DEFB1: variants seen among roughly 807,000 people sequenced by gnomAD.
The protein encoded by DEFB1 is defensin beta 1.
DEFB1 carries 4 observed loss-of-function variants against 2.6 expected under a neutral mutation model. That is an observed-to-expected ratio of 1.53 (90% CI 0.76 to 3.51). DEFB1 has a LOEUF of 3.51. DEFB1 is among the 30% of genes most tolerant of loss of function. The pLI is 0.01. For synonymous variants in DEFB1, 56 were observed against 28.5 expected, an observed-to-expected ratio of 1.96 and a Z score of -3.07; for missense variants, 162 against 76.9, an observed-to-expected ratio of 2.11 and a Z score of -4.14.
chr8:6,871,913 G>C (rs1225144001), intron 1 of DEFB1, among the ~76,000 whole-genome samples: 1 of 152,150 alleles, frequency 6.6e-6, no homozygotes, highest in African/African-American at 2.4e-5. Flanking sequence ...AAATCTGGTA[G>C]CCTGAGCGGA....
chr8:6,874,796 A>G (rs1806458357), intron 1 of DEFB1, among the ~76,000 whole-genome samples: 1 of 152,180 alleles, frequency 6.6e-6, no homozygotes, highest in African/African-American at 2.4e-5. Flanking sequence ...AGCCTGGCCA[A>G]CATGGTGAAA....
At chr8:6,875,307 A>T (rs1049084707) in intron 1 of DEFB1, among the ~76,000 whole-genome samples, 1 of 152,190 alleles carries the variant, frequency 6.6e-6, no homozygotes, top group Non-Finnish European at 1.5e-5. Flanking sequence ...CTTTTCTAGG[A>T]AAGTTTCCAT....
chr8:6,876,202 C>T (rs1287709884), intron 1 of DEFB1, among the ~76,000 whole-genome samples: 1 of 152,010 alleles, frequency 6.6e-6, no homozygotes. Flanking sequence ...ATGGGCTGGG[C>T]GTGGTGGCTC....
chr8:6,877,467 GC>G lies in DEFB1; in HGVS notation c.61+329del, dbSNP rs1806574475. Among the ~76,000 whole-genome samples, 6 of 152,228 alleles carry G rather than the reference GC, an allele frequency of 3.9e-5. No individual in the cohort carries two copies. The South Asian group carries it at 1.2e-3, about 31-fold the overall frequency. On this transcript the variant is annotated intron_variant, in intron 1 of 1. Transcript: ENST00000297439. ...GCCCCTCTCTCTGCATAGGAAGCTG[GC>G]CTCTCAGTGTGAGGAGTCGTCTTGC...
At chr8:6,875,959 G>T (rs773714028) in intron 1 of DEFB1, among the ~76,000 whole-genome samples, 1 of 152,094 alleles carries the variant, frequency 6.6e-6, no homozygotes, top group Non-Finnish European at 1.5e-5. Context: ...CTCGAGAATA[G>T]CTTCTCATAA....
intron 1 of DEFB1, among the ~76,000 whole-genome samples, chr8:6,874,638 G>A (rs1563397314): frequency 1.3e-5 from 2 of 152,178 alleles, no homozygotes; most frequent in Non-Finnish European, 2.9e-5. Flanking sequence ...GAGAATTGAT[G>A]TAGAATAGTA....
intron 1 of DEFB1, among the ~76,000 whole-genome samples, chr8:6,877,345 C>T (rs780629415): frequency 3.3e-5 from 5 of 152,198 alleles, no homozygotes; most frequent in Non-Finnish European, 7.3e-5. Context: ...TCCAAGGCAC[C>T]GGCTGAGCTG....
chr8:6,873,526 A>G (rs903362716), intron 1 of DEFB1, among the ~76,000 whole-genome samples: 1 of 152,200 alleles, frequency 6.6e-6, no homozygotes, highest in Non-Finnish European at 1.5e-5. Context: ...ACGCAGCCAT[A>G]AAAAAGAATG....
rs1009207929 is a variant in DEFB1 at position 6,877,135 on chromosome 8, G to A, written c.61+662C>T. Among the ~76,000 whole-genome samples the A allele has an allele frequency of 1.2e-4, 19 of 152,284 alleles. 1 individual carries two copies. The highest frequency in any genetic ancestry group is 4.3e-4 in the African/African-American group (18 of 41,576). ...TGTGACTCGTGTGAACAAGGATAGG[G>A]CTGGGATAAAACATGTTCCCGATTC... On this transcript the variant is annotated intron_variant, in intron 1 of 1. Coordinates refer to ENST00000297439, the MANE Select transcript of DEFB1 (RefSeq NM_005218.4).
At chr8:6,877,040 A>G (rs1806558552) in intron 1 of DEFB1, among the ~76,000 whole-genome samples, 1 of 152,134 alleles carries the variant, frequency 6.6e-6, no homozygotes, top group Non-Finnish European at 1.5e-5. Context: ...TCTGAACTGG[A>G]GTGCTTGCTT....
intron 1 of DEFB1, among the ~76,000 whole-genome samples, chr8:6,877,578 T>C (rs773158085): frequency 1.3e-5 from 2 of 152,222 alleles, no homozygotes; most frequent in Non-Finnish European, 2.9e-5. Context: ...ACAAGCGCCA[T>C]GACCCTGCCA....
chr8:6,877,167 C>T (rs987922390), intron 1 of DEFB1, among the ~76,000 whole-genome samples: 1 of 152,226 alleles, frequency 6.6e-6, no homozygotes, highest in African/African-American at 2.4e-5. Context: ...ATTCCTCCTG[C>T]ACGTCCCACC....
chr8:6,871,497 C>T (rs541271393), intron 1 of DEFB1, among the ~76,000 whole-genome samples: 4 of 152,250 alleles, frequency 2.6e-5, no homozygotes, highest in African/African-American at 9.6e-5. Context: ...TGGCGAGGGA[C>T]CAGCAGGCCG....
rs1800957 is a variant in DEFB1 at position 6,870,807 on chromosome 8, G to A, written c.81C>T (p.Gly27=). Residue 27 remains glycine (G), a synonymous_variant, in exon 2 of 2, where the codon GGC becomes GGT. Transcript: ENST00000297439. ...TGTAATGATCAGATCTGTGGCCAAG[G>A]CCTGTGAGAAAGTTACCACCTGTAA... ...EMASGGNFLT[G]LGHRSDHYNC... is the part of the protein sequence containing the mutation. 4,512 of 1,613,454 alleles carry A rather than the reference G, an allele frequency of 2.8e-3. 94 individuals are homozygous for A. In the African/African-American group the frequency reaches 0.045, roughly 16 times the overall value.
In DEFB1 at chr8:6,877,778, T is replaced by G. The variant is rs2293958; in HGVS notation, c.61+19A>C. 6.2e-7 allele frequency: 1 copy of G among 1,610,770 alleles called. No homozygotes were observed. Among genetic ancestry groups the G allele is most frequent in the Non-Finnish European group, 8.5e-7 (1 of 1,177,358 alleles). ...CCCAGCCCTGGGGATGGGAAACTCT[T>G]GCAGGTACCAGAGCTTACCTGAGGC... On this transcript the variant is annotated intron_variant, in intron 1 of 1. Transcript: ENST00000297439.
chr8:6,877,889 G>C lies in DEFB1; in HGVS notation c.-32C>G. On this transcript the variant is annotated 5_prime_UTR_variant, in exon 1 of 2. Coordinates refer to ENST00000297439, the MANE Select transcript of DEFB1 (RefSeq NM_005218.4). ...TGGCAGGCAACACCCAGGATTTCAGGAACTGGGGAGACGCTGGCTCCTTTG... is the reference window on the plus strand; with the variant it reads ...TGGCAGGCAACACCCAGGATTTCAGCAACTGGGGAGACGCTGGCTCCTTTG... 1.9e-6 allele frequency: 3 copies of C among 1,605,944 alleles called. No individual in the cohort carries two copies. The highest frequency in any genetic ancestry group is 2.6e-6 in the Non-Finnish European group (3 of 1,172,616).
chr8:6,873,898 C>G (rs1442066804), intron 1 of DEFB1, among the ~76,000 whole-genome samples: 1 of 152,192 alleles, frequency 6.6e-6, no homozygotes, highest in South Asian at 2.1e-4. Flanking sequence ...CCTGTTGGAG[C>G]AGTCTATGCT....
At chr8:6,876,934 G>T (rs1035539482) in intron 1 of DEFB1, among the ~76,000 whole-genome samples, 1 of 151,346 alleles carries the variant, frequency 6.6e-6, no homozygotes, top group Non-Finnish European at 1.5e-5. Flanking sequence ...TCAGCTTTCA[G>T]ATGGAAAAAC....
chr8:6,877,776 C>G (rs372682522), intron 1 of DEFB1, 21 bp downstream of exon 1: 4 of 1,610,620 alleles, frequency 2.5e-6, no homozygotes, highest in Non-Finnish European at 3.4e-6. Flanking sequence ...ATGGGAAACT[C>G]TTGCAGGTAC....
Sources: allele counts gnomAD v4.1 joint callset (sites outside exome capture counted in the v4.1 genomes callset), GRCh38; gene constraint gnomAD v4.1.1; transcripts MANE v1.5; gene names NCBI Gene and HGNC (gene_info 2026-07-23, HGNC 2026-07-21).